The following HDAC9 variants were observed in gnomAD, a reference collection of about 807,000 sequenced individuals.
HDAC9 encodes histone deacetylase 9.
In HDAC9, 41 loss-of-function variants were observed where a neutral mutation model predicts 139.4. That is an observed-to-expected ratio of 0.29 (90% CI 0.23 to 0.38). HDAC9 has a LOEUF of 0.38. HDAC9 is among the 10% of genes least tolerant of loss of function. The probability of loss-of-function intolerance (pLI) is 1.00; values close to 1 mark genes in which losing one functional copy is unlikely to be tolerated. For synonymous variants in HDAC9, 517 were observed against 476.2 expected, an observed-to-expected ratio of 1.09 and a Z score of -1.12; for missense variants, 1,147 against 1,297.0, an observed-to-expected ratio of 0.88 and a Z score of 1.78.
At chr7:18,131,785 G>A (rs540195792) in intron 1 of HDAC9, among the ~76,000 whole-genome samples, 1 of 152,262 alleles carries the variant, frequency 6.6e-6, no homozygotes, top group Non-Finnish European at 1.5e-5. Flanking sequence ...CTCCCTCATG[G>A]AGAGCAGATC....
At position 18,593,914 on chromosome 7, in the gene HDAC9, C is replaced by T; in HGVS notation, c.549C>T (p.Ala183=). The T allele has an allele frequency of 6.2e-7, 1 of 1,612,682 alleles. No individual in the cohort carries two copies. The highest frequency in any genetic ancestry group is 1.1e-5 in the South Asian group (1 of 91,036). The part of the protein sequence containing the change: ...SRHPKLWYTA[A]HHTSLDQSSP... Reference sequence around the variant, plus strand: ...ACTTCCTTGTCTTTTCTAGGGCTGCCCACCACACATCATTGGATCAAAGCT... The same window carrying T: ...ACTTCCTTGTCTTTTCTAGGGCTGCTCACCACACATCATTGGATCAAAGCT... Residue 183 remains alanine (A), a synonymous_variant, in exon 6 of 26, where the codon GCC becomes GCT. Coordinates refer to ENST00000686413, the MANE Select transcript of HDAC9 (RefSeq NM_178425.4).
At chr7:18,588,803 C>T (rs1562475762) in intron 3 of HDAC9, among the ~76,000 whole-genome samples, 1 of 152,090 alleles carries the variant, frequency 6.6e-6, no homozygotes. Context: ...GCTGACTAAA[C>T]TTTGTGCTGT....
intron 12 of HDAC9, among the ~76,000 whole-genome samples, chr7:18,679,822 T>C (rs1450971597): frequency 6.6e-6 from 1 of 151,906 alleles, no homozygotes; most frequent in African/African-American, 2.4e-5. Flanking sequence ...ATTATTTACA[T>C]TTTGTATATT....
intron 12 of HDAC9, among the ~76,000 whole-genome samples, chr7:18,709,136 G>A (rs1364493993): frequency 1.3e-5 from 2 of 148,578 alleles, no homozygotes; most frequent in African/African-American, 2.5e-5. Context: ...ATAGGTATAT[G>A]TGTGCCATGG....
chr7:18,764,659 C>A (rs1293596818), intron 15 of HDAC9, among the ~76,000 whole-genome samples: 1 of 151,858 alleles, frequency 6.6e-6, no homozygotes, highest in African/African-American at 2.4e-5. Flanking sequence ...TCTGGAAGAC[C>A]GGATTGAAGC....
intron 12 of HDAC9, among the ~76,000 whole-genome samples, chr7:18,718,596 T>A (rs553300459): frequency 1.2e-4 from 19 of 152,308 alleles, no homozygotes; most frequent in African/African-American, 4.3e-4. Context: ...GTAGCATGTA[T>A]CACTGTTTCT....
At chr7:18,962,827 C>T (rs549351398) in intron 24 of HDAC9, among the ~76,000 whole-genome samples, 3 of 152,278 alleles carry the variant, frequency 2.0e-5, no homozygotes, top group African/African-American at 7.2e-5. Context: ...CTGCAATACA[C>T]AGTTCTTTCC....
chr7:18,522,161 A>G (rs2128217730), intron 2 of HDAC9, among the ~76,000 whole-genome samples: 1 of 152,324 alleles, frequency 6.6e-6, no homozygotes, highest in African/African-American at 2.4e-5. Context: ...CCACGTGTGA[A>G]AATCTGTTCA....
At chr7:18,360,200 C>T (rs1783666531) in intron 1 of HDAC9, among the ~76,000 whole-genome samples, 1 of 152,200 alleles carries the variant, frequency 6.6e-6, no homozygotes, top group Non-Finnish European at 1.5e-5. Context: ...TATATTCCTA[C>T]ATTTTCAATT....
intron 1 of HDAC9, among the ~76,000 whole-genome samples, chr7:18,340,675 C>G (rs988487077): frequency 4.7e-5 from 7 of 149,254 alleles, no homozygotes; most frequent in African/African-American, 1.7e-4. Context: ...ATTGTGCTGT[C>G]ATTGTCATAG....
At chr7:18,296,649 A>C (rs569978034) in intron 1 of HDAC9, among the ~76,000 whole-genome samples, 3 of 152,198 alleles carry the variant, frequency 2.0e-5, no homozygotes, top group Admixed American at 6.5e-5. Flanking sequence ...TAAAATGTCT[A>C]TGCCTGTAGG....
Position 18,228,786 on chromosome 7 carries a change from A to T in HDAC9, c.25+66437A>T, listed in dbSNP as rs563401303. 5.3e-5 allele frequency among the ~76,000 whole-genome samples: 8 copies of T among 152,324 alleles called. No individual in the cohort carries two copies. In the East Asian group the frequency reaches 1.5e-3, roughly 29 times the overall value. On this transcript the variant is annotated intron_variant, in intron 2 of 12. Coordinates refer to the HDAC9 transcript ENST00000417496. ...AGGAAGAAAGTTTAGCCTGAAAAAGATAGGCTGACTAGGGTAAAGTTTGCA... is the reference window on the plus strand; with the variant it reads ...AGGAAGAAAGTTTAGCCTGAAAAAGTTAGGCTGACTAGGGTAAAGTTTGCA...
intron 8 of HDAC9, among the ~76,000 whole-genome samples, chr7:18,643,155 GCTT>G (rs1379119583): frequency 6.6e-6 from 1 of 151,978 alleles, no homozygotes; most frequent in East Asian, 1.9e-4. Flanking sequence ...TTCGTGAAAA[GCTT>G]ATTATTTGTA....
intron 16 of HDAC9, among the ~76,000 whole-genome samples, chr7:18,769,568 G>A (rs1452184128): frequency 6.6e-6 from 1 of 152,102 alleles, no homozygotes; most frequent in Non-Finnish European, 1.5e-5. Context: ...GTGTGTGTGT[G>A]TGTGCAAGTT....
chr7:18,596,522 G>C (rs1832549875), intron 6 of HDAC9, among the ~76,000 whole-genome samples: 1 of 152,038 alleles, frequency 6.6e-6, no homozygotes, highest in South Asian at 2.1e-4. Flanking sequence ...TTGTATTTCA[G>C]TGACTCAAAA....
chr7:18,277,077 A>G (rs890488430), intron 2 of HDAC9, among the ~76,000 whole-genome samples: 3 of 131,710 alleles, frequency 2.3e-5, no homozygotes, highest in African/African-American at 9.7e-5. Context: ...AGATAGTTAC[A>G]TTGTTAAAAA....
chr7:18,563,727 C>A (rs1162628017), intron 2 of HDAC9, among the ~76,000 whole-genome samples: 2 of 151,794 alleles, frequency 1.3e-5, no homozygotes, highest in Non-Finnish European at 2.9e-5. Context: ...ACCACCCAAC[C>A]CCCCCCATGA....
chr7:18,684,673 A>G (rs906358550), intron 12 of HDAC9, among the ~76,000 whole-genome samples: 1 of 151,976 alleles, frequency 6.6e-6, no homozygotes, highest in African/African-American at 2.4e-5. Context: ...AAAATTTGAT[A>G]TAGACTAATT....
At chr7:18,458,913 C>A in intron 1 of HDAC9, 1 of 1,523,826 alleles carries the variant, frequency 6.6e-7, no homozygotes, top group Non-Finnish European at 8.8e-7. Flanking sequence ...TAGAACCAGA[C>A]CTTATCCTTT....
Sources: gnomAD v4.1 joint callset for allele counts (sites outside exome capture counted in the v4.1 genomes callset) on GRCh38, gnomAD v4.1.1 for gene constraint, MANE v1.5 for transcripts, NCBI Gene and HGNC (gene_info 2026-07-23, HGNC 2026-07-21) for gene names.